The following EIF3B variants were observed in gnomAD, a reference collection of about 807,000 sequenced individuals.
The protein encoded by EIF3B is eukaryotic translation initiation factor 3 subunit 9.
In EIF3B, 10 loss-of-function variants were observed where a neutral mutation model predicts 104.6. The ratio of observed to expected loss-of-function variants is 0.10; its 90% CI spans 0.06 to 0.16. EIF3B has a LOEUF of 0.16. EIF3B is among the 10% of genes least tolerant of loss of function. The pLI is 1.00. For missense variants in EIF3B, 1,014 were observed against 1,087.9 expected (o/e 0.93, Z 0.96); for synonymous variants, 542 against 417.2 (o/e 1.30, Z -3.65).
At position 2,380,348 on chromosome 7, in the gene EIF3B, GCT is replaced by G. The variant is rs1342690099; in HGVS notation, c.*164_*165del. 1.9e-6 allele frequency: 1 copy of G among 518,788 alleles called. No individual in the cohort carries two copies. Among genetic ancestry groups the G allele is most frequent in the Admixed American group, 1.9e-5 (1 of 51,564 alleles). The allele number at this position is 518,788 out of a possible 1,614,324, so 32.1% of individuals were successfully genotyped here. A position where few individuals can be genotyped will look rare whatever the true frequency, so the allele number is the denominator to read the frequency against. On this transcript the variant is annotated 3_prime_UTR_variant, in exon 19 of 19. Transcript: ENST00000360876. ...CGCGTGACTCCCGCCTCCTCCCTGT[GCT>G]CTCTGGCTCTGGACTGTGACTGCGC...
At chr7:2,362,557 G>C in intron 2 of EIF3B, 88 bp from the exon 3 acceptor site, 1 of 1,538,844 alleles carries the variant, frequency 6.5e-7, no homozygotes, top group South Asian at 1.2e-5. Context: ...GGCACCGAGG[G>C]CTTGTCCGTG....
rs1447654723 is a variant in EIF3B at position 2,362,834 on chromosome 7, G to C, written c.812+70G>C. On this transcript the variant is annotated intron_variant, in intron 3 of 18. Transcript: ENST00000360876. ...GTGACTGGCTGTGTGCGGGTGGCTT[G>C]GTGCTTCTCGGTGCTGGTGTCTGTC... 1.9e-6 allele frequency: 3 copies of C among 1,591,192 alleles called. No homozygotes were observed. The Admixed American group carries it at 5.1e-5, about 27-fold the overall frequency.
chr7:2,369,798 G>A, intron 10 of EIF3B, 116 bp downstream of exon 10: 2 of 744,718 alleles, frequency 2.7e-6, no homozygotes, highest in African/African-American at 2.3e-5. Flanking sequence ...TTTTTTTTGA[G>A]ATGGAGTCTC....
At chr7:2,358,472 A>G (rs995767750) in intron 1 of EIF3B, among the ~76,000 whole-genome samples, 2 of 151,032 alleles carry the variant, frequency 1.3e-5, no homozygotes, top group Non-Finnish European at 2.9e-5. Context: ...ACTTTTGAGA[A>G]TAAATACAGT....
chr7:2,375,977 T>TG (rs1780608233), intron 14 of EIF3B: 1 of 164,994 alleles, frequency 6.1e-6, no homozygotes, highest in South Asian at 1.7e-4. Context: ...AAAACATTGA[T>TG]GGAGGCACTG....
Position 2,380,491 on chromosome 7 carries a change from C to G in EIF3B, c.*302C>G, listed in dbSNP as rs749131638. 6.6e-5 allele frequency: 32 copies of G among 485,338 alleles called. No homozygotes were observed. Among genetic ancestry groups the G allele is most frequent in the Admixed American group, 2.8e-4 (13 of 46,678 alleles). The allele number at this position is 485,338 out of a possible 1,614,324, so 30.1% of individuals were successfully genotyped here. A position where few individuals can be genotyped will look rare whatever the true frequency, so the allele number is the denominator to read the frequency against. ...TGTTTGGAGTTTTCTGTTGGAACCG[C>G]CGGCGTTGGCTCCGAAGACTTAGCG... On this transcript the variant is annotated 3_prime_UTR_variant, in exon 19 of 19. Transcript: ENST00000360876.
At chr7:2,374,756 A>C in intron 13 of EIF3B, 150 bp downstream of exon 13, 2 of 628,194 alleles carry the variant, frequency 3.2e-6, no homozygotes, top group Non-Finnish European at 5.4e-6. Flanking sequence ...ACTTCATTGA[A>C]CCTCTGCAGA....
intron 1 of EIF3B, among the ~76,000 whole-genome samples, chr7:2,358,087 A>G (rs1779547882): frequency 6.6e-6 from 1 of 151,066 alleles, no homozygotes; most frequent in Non-Finnish European, 1.5e-5. Context: ...TTAAGGCAGT[A>G]TTTTCAATAT....
intron 15 of EIF3B, among the ~76,000 whole-genome samples, chr7:2,377,453 C>T (rs575499201): frequency 2.6e-5 from 4 of 152,240 alleles, no homozygotes; most frequent in South Asian, 2.1e-4. Flanking sequence ...GAAAGTCCGT[C>T]TCAAAGTGAA....
chr7:2,379,008 C>T (rs1780846441), intron 16 of EIF3B, 126 bp from the exon 17 acceptor site: 7 of 819,814 alleles, frequency 8.5e-6, no homozygotes, highest in Admixed American at 2.5e-5. Flanking sequence ...AATGAATGGA[C>T]TAGCCATTCC....
chr7:2,377,691 A>AAGCCG, intron 15 of EIF3B: 1 of 102,778 alleles, frequency 9.7e-6, no homozygotes, highest in Non-Finnish European at 1.7e-5. Flanking sequence ...CGCTCCTGGG[A>AAGCCG]TGCTGTGTTC....
At chr7:2,365,625 G>A (rs72569139) in intron 6 of EIF3B, among the ~76,000 whole-genome samples, 60,093 of 150,832 alleles carry the variant, frequency 0.4, 14,579 homozygotes, top group East Asian at 0.68. Context: ...ACCTGTGCTG[G>A]CTTTCGAACT....
rs201291849 is a variant in EIF3B, at chr7:2,378,718, T to C, written c.2184T>C (p.Ser728=). Residue 728 remains serine, a synonymous_variant, in exon 16 of 19, where the codon TCT becomes TCC. Transcript: ENST00000360876. The part of the protein sequence containing the change: ...KQIKKDLKKY[S]KIFEQKDRLS... ...TTAAAAAGGATCTGAAGAAATACTC[T>C]AAGATCTTTGAACAGAAGGATCGTT... is the stretch of plus-strand genomic sequence containing the variant. 6 of 1,614,088 alleles carry C rather than the reference T, an allele frequency of 3.7e-6. No homozygotes were observed. The highest frequency in any genetic ancestry group is 1.3e-5 in the African/African-American group (1 of 75,050).
At chr7:2,361,573 C>T (rs555630149) in intron 2 of EIF3B, among the ~76,000 whole-genome samples, 4 of 152,146 alleles carry the variant, frequency 2.6e-5, no homozygotes, top group Middle Eastern at 3.4e-3. Context: ...GCGCCCGCTA[C>T]CACGCCCGGC....
intron 12 of EIF3B, chr7:2,373,719 A>G (rs1372012108): frequency 1.3e-5 from 2 of 152,208 alleles, no homozygotes; most frequent in African/African-American, 4.8e-5. Flanking sequence ...GTCATAAAAC[A>G]TAGGCAAGCA....
intron 13 of EIF3B, 88 bp from the exon 14 acceptor site, chr7:2,375,301 G>T: frequency 6.4e-7 from 1 of 1,571,516 alleles, no homozygotes; most frequent in East Asian, 2.3e-5. Context: ...TGGCTCCCTG[G>T]GGACCCCATG....
At chr7:2,362,937 C>A in intron 3 of EIF3B, 133 bp from the exon 4 acceptor site, 1 of 1,425,696 alleles carries the variant, frequency 7.0e-7, no homozygotes, top group Non-Finnish European at 9.8e-7. Flanking sequence ...GCCTACAGCA[C>A]CCCTCCCTGT....
In EIF3B at chr7:2,354,902, G is replaced by A; in HGVS notation, c.-20G>A. 1 of 1,181,588 alleles carries A rather than the reference G, an allele frequency of 8.5e-7. No individual in the cohort carries two copies. The highest frequency in any genetic ancestry group is 4.5e-5 in the Admixed American group (1 of 22,106). 73.2% of individuals were successfully genotyped at this position (1,181,588 alleles called of 1,614,324 possible). On this transcript the variant is annotated 5_prime_UTR_variant, in exon 1 of 19. Coordinates refer to ENST00000360876, the MANE Select transcript of EIF3B (RefSeq NM_001037283.2). ...AAGCGCGGCGGCCGCGGAGCCCTGC[G>A]AGTAGGCAGCGTTGGGCCCATGCAG...
At chr7:2,358,497 G>A (rs986586149) in intron 1 of EIF3B, among the ~76,000 whole-genome samples, 1 of 115,324 alleles carries the variant, frequency 8.7e-6, no homozygotes. Flanking sequence ...AATATTTTCG[G>A]ACATCTGCAT....
Sources: allele counts gnomAD v4.1 joint callset (sites outside exome capture counted in the v4.1 genomes callset), GRCh38; gene constraint gnomAD v4.1.1; transcripts MANE v1.5; gene names NCBI Gene and HGNC (gene_info 2026-07-23, HGNC 2026-07-21).